PRKCB: variants seen among roughly 807,000 people sequenced by gnomAD.
PRKCB encodes the protein protein kinase C beta type.
PRKCB carries 13 observed loss-of-function variants against 81.5 expected under a neutral mutation model. The ratio of observed to expected loss-of-function variants is 0.16; its 90% CI spans 0.10 to 0.25. The LOEUF is 0.25. Among genes scored for constraint, PRKCB ranks in the 10% least tolerant of loss-of-function variants. The probability of loss-of-function intolerance (pLI) is 1.00; values close to 1 mark genes in which losing one functional copy is unlikely to be tolerated. For synonymous variants in PRKCB, 335 were observed against 321.4 expected, an observed-to-expected ratio of 1.04 and a Z score of -0.45; for missense variants, 509 against 875.7, an observed-to-expected ratio of 0.58 and a Z score of 5.29.
chr16:24,007,737 G>A (rs1056915479), intron 3 of PRKCB, among the ~76,000 whole-genome samples: 1 of 152,136 alleles, frequency 6.6e-6, no homozygotes, highest in African/African-American at 2.4e-5. Context: ...CTCCTAGTTG[G>A]GAGGCAGGAC....
rs958052832 is a variant in PRKCB at position 24,215,158 on chromosome 16, A to C, written c.*342A>C. On this transcript the variant is annotated 3_prime_UTR_variant, in exon 17 of 17. Coordinates refer to ENST00000643927, the MANE Select transcript of PRKCB (RefSeq NM_002738.7). ...TTCTGCACTGCCATATTCACCCCCA[A>C]CCATCCAATCTGTGGATAATTGGAT... is the stretch of plus-strand genomic sequence containing the variant. The C allele has an allele frequency of 9.5e-7, 1 of 1,051,104 alleles. No individual in the cohort carries two copies. The highest frequency in any genetic ancestry group is 7.8e-5 in the East Asian group (1 of 12,760). The allele number at this position is 1,051,104 out of a possible 1,614,324, so 65.1% of individuals were successfully genotyped here. A position where few individuals can be genotyped will look rare whatever the true frequency, so the allele number is the denominator to read the frequency against.
At chr16:24,167,945 A>T (rs1967373138) in intron 10 of PRKCB, among the ~76,000 whole-genome samples, 1 of 152,252 alleles carries the variant, frequency 6.6e-6, no homozygotes, top group South Asian at 2.1e-4. Context: ...GGGACAAGTG[A>T]GACAAAATAT....
chr16:23,889,924 G>A (rs1963266663), intron 2 of PRKCB, among the ~76,000 whole-genome samples: 1 of 151,852 alleles, frequency 6.6e-6, no homozygotes, highest in Non-Finnish European at 1.5e-5. Flanking sequence ...TTACTAGCTG[G>A]CATTTTCTTA....
chr16:24,009,159 G>A lies in PRKCB; in HGVS notation c.288+20569G>A, dbSNP rs1596509195. On this transcript the variant is annotated intron_variant, in intron 3 of 16. Coordinates refer to ENST00000643927, the MANE Select transcript of PRKCB (RefSeq NM_002738.7). ...TGTGAAGAGTGCTGCAATGAACATG[G>A]AACTGCTAACATTTCTTCAGGATGT... 2.6e-5 allele frequency among the ~76,000 whole-genome samples: 4 copies of A among 152,130 alleles called. No individual in the cohort carries two copies. In the East Asian group the frequency reaches 7.7e-4, roughly 29 times the overall value.
At chr16:24,134,753 G>GAAA (rs112032959) in intron 9 of PRKCB, among the ~76,000 whole-genome samples, 68 of 143,874 alleles carry the variant, frequency 4.7e-4, no homozygotes, top group African/African-American at 9.4e-4. Flanking sequence ...CGTCTCAAAG[G>GAAA]AAAAAAAAAA....
chr16:24,175,659 C>A (rs933035681), intron 12 of PRKCB, among the ~76,000 whole-genome samples: 4 of 151,668 alleles, frequency 2.6e-5, no homozygotes, highest in African/African-American at 9.7e-5. Flanking sequence ...TTTGCCTTAA[C>A]TGCGGGATAT....
chr16:23,902,780 T>TCCTTCCTTCCTC (rs1567307987), intron 2 of PRKCB, among the ~76,000 whole-genome samples: 11 of 27,386 alleles, frequency 4.0e-4, no homozygotes, highest in Admixed American at 4.6e-4. Flanking sequence ...CTTCCTTCCT[T>TCCTTCCTTCCTC]CCTCCCTCCC....
intron 3 of PRKCB, among the ~76,000 whole-genome samples, chr16:24,009,320 TG>T (rs1965170129): frequency 6.6e-6 from 1 of 152,126 alleles, no homozygotes; most frequent in South Asian, 2.1e-4. Context: ...GACATACAAA[TG>T]ACCAAAAGGC....
chr16:24,036,948 C>T (rs1256799797), intron 5 of PRKCB, among the ~76,000 whole-genome samples: 1 of 152,212 alleles, frequency 6.6e-6, no homozygotes, highest in Non-Finnish European at 1.5e-5. Context: ...GTGCTCTAAA[C>T]CTTACGTGTT....
In PRKCB at chr16:24,069,461, G is replaced by A. The variant is rs565334359; in HGVS notation, c.530-23330G>A. On this transcript the variant is annotated intron_variant, in intron 5 of 16. Transcript: ENST00000643927. ...ATAGAGTGCTTAAAACAGTGCCTGGGTCTGAGCGTGGTGGCTCATGCCTGT... is the reference window on the plus strand; with the variant it reads ...ATAGAGTGCTTAAAACAGTGCCTGGATCTGAGCGTGGTGGCTCATGCCTGT... Among the ~76,000 whole-genome samples, 5 of 152,226 alleles carry A rather than the reference G, an allele frequency of 3.3e-5. No individual in the cohort carries two copies. The South Asian group carries it at 1.0e-3, about 32-fold the overall frequency.
intron 9 of PRKCB, among the ~76,000 whole-genome samples, chr16:24,153,800 C>A (rs1201049164): frequency 2.0e-5 from 3 of 152,182 alleles, no homozygotes; most frequent in Non-Finnish European, 2.9e-5. Flanking sequence ...AATTAATCAT[C>A]TCTGTAATTA....
chr16:24,146,712 C>G (rs999560592), intron 9 of PRKCB, among the ~76,000 whole-genome samples: 4 of 152,136 alleles, frequency 2.6e-5, no homozygotes, highest in Admixed American at 1.3e-4. Context: ...CATCAGAGTT[C>G]TGCTATTTAT....
At chr16:24,004,214 A>AAAGGCAAAGACTATGAGATTGG (rs1198937548) in intron 3 of PRKCB, among the ~76,000 whole-genome samples, 71 of 152,202 alleles carry the variant, frequency 4.7e-4, no homozygotes, top group African/African-American at 1.6e-3. Context: ...TTCTCTACTG[A>AAAGGCAAAGACTATGAGATTGG]AAGGCAAAGA....
At chr16:23,851,253 T>A (rs1368350884) in intron 2 of PRKCB, among the ~76,000 whole-genome samples, 1 of 152,198 alleles carries the variant, frequency 6.6e-6, no homozygotes, top group East Asian at 1.9e-4. Flanking sequence ...GAGTTGATTG[T>A]GTATGTGGTT....
chr16:24,101,858 C>T (rs1286259829), intron 7 of PRKCB, among the ~76,000 whole-genome samples: 1 of 152,198 alleles, frequency 6.6e-6, no homozygotes, highest in African/African-American at 2.4e-5. Flanking sequence ...GATAGTGTAT[C>T]AGGAGTAAGC....
At chr16:24,005,609 A>G (rs1173710731) in intron 3 of PRKCB, among the ~76,000 whole-genome samples, 1 of 152,156 alleles carries the variant, frequency 6.6e-6, no homozygotes, top group Admixed American at 6.5e-5. Context: ...TCCTGGACTG[A>G]GCATCTTCAG....
intron 7 of PRKCB, among the ~76,000 whole-genome samples, chr16:24,105,776 T>C (rs902216706): frequency 1.3e-5 from 2 of 152,216 alleles, no homozygotes; most frequent in Non-Finnish European, 2.9e-5. Context: ...CAGTCTATCA[T>C]TGATGGGCAT....
At chr16:23,837,040 G>A (rs1962173772) in intron 1 of PRKCB, among the ~76,000 whole-genome samples, 1 of 152,094 alleles carries the variant, frequency 6.6e-6, no homozygotes, top group East Asian at 1.9e-4. Flanking sequence ...CTCTGAATGC[G>A]TCTTTATCTC....
chr16:24,104,374 C>T (rs1398480208), intron 7 of PRKCB, among the ~76,000 whole-genome samples: 2 of 152,142 alleles, frequency 1.3e-5, no homozygotes, highest in Admixed American at 1.3e-4. Flanking sequence ...ATTGAATATA[C>T]ACAGTGAGCA....
Sources: allele counts gnomAD v4.1 joint callset (sites outside exome capture counted in the v4.1 genomes callset), GRCh38; gene constraint gnomAD v4.1.1; transcripts MANE v1.5; gene names NCBI Gene and HGNC (gene_info 2026-07-23, HGNC 2026-07-21).